The following SNX7 variants were observed in gnomAD, a reference collection of about 807,000 sequenced individuals.
The protein encoded by SNX7 is sorting nexin-7.
SNX7 carries 35 observed loss-of-function variants against 48.4 expected under a neutral mutation model. The ratio of observed to expected loss-of-function variants is 0.72; its 90% CI spans 0.55 to 0.96. The LOEUF is 0.96. Among genes scored for constraint, SNX7 ranks in the 40% least tolerant of loss-of-function variants. SNX7 has a pLI of 0.00. For synonymous variants in SNX7, 190 were observed against 190.2 expected (o/e 1.00, Z 0.01); for missense variants, 553 against 548.9 (o/e 1.01, Z -0.07).
chr1:98,663,132 T>A (rs1649338310), intron 1 of SNX7, among the ~76,000 whole-genome samples: 1 of 152,222 alleles, frequency 6.6e-6, no homozygotes, highest in Non-Finnish European at 1.5e-5. Flanking sequence ...ATTTACTTTC[T>A]TTCCTTCTTT....
At chr1:98,718,317 A>G (rs1376841244) in intron 7 of SNX7, among the ~76,000 whole-genome samples, 2 of 152,110 alleles carry the variant, frequency 1.3e-5, no homozygotes, top group Non-Finnish European at 2.9e-5. Flanking sequence ...TGCATTTTCA[A>G]TACTTCTTTT....
intron 8 of SNX7, among the ~76,000 whole-genome samples, chr1:98,748,901 A>G (rs900639728): frequency 6.6e-6 from 1 of 152,098 alleles, no homozygotes; most frequent in Non-Finnish European, 1.5e-5. Flanking sequence ...CATATATAAC[A>G]TGCTATAAAA....
At chr1:98,679,601 G>A (rs918175275) in intron 1 of SNX7, among the ~76,000 whole-genome samples, 5 of 152,132 alleles carry the variant, frequency 3.3e-5, no homozygotes, top group African/African-American at 4.8e-5. Context: ...ATACAATGGG[G>A]GTACAGACAT....
chr1:98,685,095 A>C (rs371119324), intron 2 of SNX7, 28 bp downstream of exon 2: 1 of 1,340,438 alleles, frequency 7.5e-7, no homozygotes, highest in Non-Finnish European at 9.9e-7. Context: ...ATTTTCTTGA[A>C]TATAGCTGCT....
chr1:98,738,819 T>C (rs1186147002), intron 8 of SNX7, among the ~76,000 whole-genome samples: 1 of 152,180 alleles, frequency 6.6e-6, no homozygotes, highest in Non-Finnish European at 1.5e-5. Flanking sequence ...AACATCTTTT[T>C]TTAAGTTCAT....
intron 7 of SNX7, among the ~76,000 whole-genome samples, chr1:98,720,850 G>C (rs1199700603): frequency 2.0e-5 from 3 of 151,994 alleles, no homozygotes; most frequent in Non-Finnish European, 4.4e-5. Flanking sequence ...TCGAATCAAA[G>C]AAGGGAGATC....
At chr1:98,694,369 CAAAAAA>C (rs775800995) in intron 4 of SNX7, among the ~76,000 whole-genome samples, 4 of 54,076 alleles carry the variant, frequency 7.4e-5, no homozygotes, top group African/African-American at 2.6e-4. Context: ...GACTCCGTCT[CAAAAAA>C]AAAAAAAAAA....
Position 98,698,881 on chromosome 1 carries a change from C to T in SNX7, c.1014C>T (p.Tyr338=), listed in dbSNP as rs534075555. The T allele has an allele frequency of 2.1e-5, 34 of 1,613,528 alleles. No individual in the cohort carries two copies. The African/African-American group carries it at 2.9e-4, about 14-fold the overall frequency. ...SEALLPVVHE[Y]VLYSEMLMGV... is the part of the protein sequence containing the mutation. ...CCCTGCTTCCTGTTGTACATGAGTACGTGCTTTATAGTGAAATGTTAATGG... is the reference window on the plus strand; with the variant it reads ...CCCTGCTTCCTGTTGTACATGAGTATGTGCTTTATAGTGAAATGTTAATGG... The change falls in exon 6 of 9, where the codon TAC becomes TAT. Residue 338 remains tyrosine (Y), a synonymous_variant. Transcript: ENST00000306121.
chr1:98,756,423 T>TTTTG lies in SNX7; in HGVS notation c.1279-3628_1279-3627insGTTT, dbSNP rs1654854674. 2.3e-4 allele frequency among the ~76,000 whole-genome samples: 5 copies of TTTTG among 21,784 alleles called. No individual in the cohort carries two copies. In the Admixed American group the frequency reaches 3.0e-3, roughly 13 times the overall value. 14.3% of individuals were successfully genotyped at this position (21,784 alleles called of 152,430 possible). On this transcript the variant is annotated intron_variant, in intron 8 of 8. Coordinates refer to ENST00000306121, the MANE Select transcript of SNX7 (RefSeq NM_015976.5). ...GTCTCTTTTTTTTCTGCCAGATGAGTTTTTTTTTTTTTTTTTTTTTTTTAA... is the reference window on the plus strand; with the variant it reads ...GTCTCTTTTTTTTCTGCCAGATGAGTTTTGTTTTTTTTTTTTTTTTTTTTTTTAA...
chr1:98,713,145 G>A (rs1652409133), intron 7 of SNX7, among the ~76,000 whole-genome samples: 1 of 150,052 alleles, frequency 6.7e-6, no homozygotes, highest in African/African-American at 2.4e-5. Context: ...TGTTTGTAGT[G>A]TAGCCATCCT....
chr1:98,664,486 C>T (rs1180573488), intron 1 of SNX7, among the ~76,000 whole-genome samples: 11 of 152,262 alleles, frequency 7.2e-5, no homozygotes, highest in African/African-American at 9.6e-5. Flanking sequence ...TGAGAGATCA[C>T]GCCACTGCAT....
chr1:98,694,106 C>T (rs577892523), intron 4 of SNX7, among the ~76,000 whole-genome samples: 18 of 151,816 alleles, frequency 1.2e-4, no homozygotes, highest in Non-Finnish European at 2.4e-4. Flanking sequence ...CGCGGTGGCT[C>T]ACGCCTGTAA....
intron 7 of SNX7, among the ~76,000 whole-genome samples, chr1:98,725,587 C>T (rs28545337): frequency 0.26 from 40,125 of 151,926 alleles, 5,630 homozygotes; most frequent in Middle Eastern, 0.31. Context: ...GTTTGGAAGT[C>T]GAAAGGGATG....
At chr1:98,734,677 G>C (rs991381072) in intron 7 of SNX7, among the ~76,000 whole-genome samples, 1 of 152,126 alleles carries the variant, frequency 6.6e-6, no homozygotes, top group South Asian at 2.1e-4. Flanking sequence ...AGTCACCATC[G>C]TAGAAACATA....
intron 5 of SNX7, among the ~76,000 whole-genome samples, chr1:98,697,420 T>TA (rs1315333494): frequency 1.3e-5 from 2 of 152,118 alleles, no homozygotes; most frequent in Non-Finnish European, 2.9e-5. Flanking sequence ...TGATTGTATT[T>TA]ATATGGATAG....
intron 7 of SNX7, among the ~76,000 whole-genome samples, chr1:98,735,673 T>C (rs1466689929): frequency 6.6e-6 from 1 of 152,166 alleles, no homozygotes; most frequent in East Asian, 1.9e-4. Context: ...TAGGCAAATT[T>C]TCAGGCCCTG....
chr1:98,710,476 T>C (rs908963999), intron 7 of SNX7, among the ~76,000 whole-genome samples: 1 of 152,098 alleles, frequency 6.6e-6, no homozygotes, highest in Non-Finnish European at 1.5e-5. Context: ...ACCGAAAAAG[T>C]AACAGATGGA....
chr1:98,682,894 T>TA (rs1213642245), intron 1 of SNX7, among the ~76,000 whole-genome samples: 1 of 152,188 alleles, frequency 6.6e-6, no homozygotes, highest in East Asian at 1.9e-4. Flanking sequence ...TCCTTCAATT[T>TA]AAAAAATCTT....
intron 7 of SNX7, among the ~76,000 whole-genome samples, chr1:98,716,220 A>G (rs1652582002): frequency 6.6e-6 from 1 of 151,842 alleles, no homozygotes; most frequent in Non-Finnish European, 1.5e-5. Flanking sequence ...CAAGGGCCAT[A>G]CCTCCTCTTT....
Sources: allele counts gnomAD v4.1 joint callset (sites outside exome capture counted in the v4.1 genomes callset), GRCh38; gene constraint gnomAD v4.1.1; transcripts MANE v1.5; gene names NCBI Gene and HGNC (gene_info 2026-07-23, HGNC 2026-07-21).